CFAP70: variants seen among roughly 807,000 people sequenced by gnomAD.
CFAP70 encodes the protein cilia and flagella associated protein 70, also known as cilia- and flagella-associated protein 70.
Under a neutral mutation model 137.6 loss-of-function variants are expected in CFAP70, and 81 were observed. That is an observed-to-expected ratio of 0.59 (90% CI 0.49 to 0.71). The LOEUF is 0.71. Among genes scored for constraint, CFAP70 ranks in the 30% least tolerant of loss-of-function variants. The pLI is 0.00. For missense variants in CFAP70, 976 were observed against 1,226.7 expected, an observed-to-expected ratio of 0.80 and a Z score of 3.05; for synonymous variants, 382 against 423.6, an observed-to-expected ratio of 0.90 and a Z score of 1.20.
At chr10:73,292,341 T>C (rs1367852263) in intron 16 of CFAP70, among the ~76,000 whole-genome samples, 1 of 152,248 alleles carries the variant, frequency 6.6e-6, no homozygotes, top group African/African-American at 2.4e-5. Context: ...TAATAATTTC[T>C]GCAGTAATCT....
intron 19 of CFAP70, among the ~76,000 whole-genome samples, chr10:73,280,001 A>G (rs2047144835): frequency 6.6e-6 from 1 of 152,140 alleles, no homozygotes; most frequent in South Asian, 2.1e-4. Context: ...GGAATGTTTG[A>G]GAGTTCCAGC....
intron 13 of CFAP70, 143 bp from the exon 15 acceptor site, chr10:73,299,244 C>T (rs1425989317): frequency 8.7e-6 from 6 of 687,334 alleles, no homozygotes; most frequent in Non-Finnish European, 1.4e-5. Flanking sequence ...CAAGGTCTCT[C>T]TCGCCCAGGC....
At chr10:73,289,579 C>T (rs921447558) in intron 19 of CFAP70, among the ~76,000 whole-genome samples, 3 of 151,816 alleles carry the variant, frequency 2.0e-5, no homozygotes, top group Non-Finnish European at 2.9e-5. Flanking sequence ...CCACCGTGCC[C>T]GGCAAATCAA....
At chr10:73,311,853 C>G (rs1297434783) in exon 11 of CFAP70, 1 of 1,613,774 alleles carries the variant, frequency 6.2e-7, no homozygotes, top group Non-Finnish European at 8.5e-7. Context: ...AGGATTGTGA[C>G]TTAGAGGGGG....
chr10:73,258,807 G>T (rs1246249681), intron 25 of CFAP70, among the ~76,000 whole-genome samples: 3 of 152,104 alleles, frequency 2.0e-5, no homozygotes, highest in Non-Finnish European at 4.4e-5. Context: ...AAAAAGCCCC[G>T]GTTTCCTGTA....
At chr10:73,286,867 T>C (rs2047756649) in intron 19 of CFAP70, among the ~76,000 whole-genome samples, 1 of 139,852 alleles carries the variant, frequency 7.2e-6, no homozygotes, top group African/African-American at 3.3e-5. Flanking sequence ...AACAAGGGGA[T>C]GGGCCGAAAC....
At chr10:73,319,295 A>C (rs2050661185) in intron 9 of CFAP70, among the ~76,000 whole-genome samples, 1 of 152,044 alleles carries the variant, frequency 6.6e-6, no homozygotes, top group Admixed American at 6.6e-5. Context: ...GGAAGTGAAG[A>C]CTCAACTATA....
chr10:73,272,836 A>G (rs1158093342), intron 24 of CFAP70, 92 bp downstream of exon 25: 8 of 1,120,830 alleles, frequency 7.1e-6, no homozygotes, highest in Non-Finnish European at 1.1e-5. Context: ...TTGCTATTCC[A>G]ATGTCATCAC....
At chr10:73,254,156 A>AGT in intron 26 of CFAP70, 101 bp from the exon 28 acceptor site, 1 of 913,980 alleles carries the variant, frequency 1.1e-6, no homozygotes. Context: ...TAAAGAACAT[A>AGT]GTTCCCTGGG....
At chr10:73,345,298 T>C in intron 4 of CFAP70, 54 bp from the exon 6 acceptor site, 2 of 1,477,298 alleles carry the variant, frequency 1.4e-6, no homozygotes, top group Non-Finnish European at 1.9e-6. Flanking sequence ...GATCTTCCTT[T>C]TTTGCATTAT....
chr10:73,289,010 C>T (rs2047954951), intron 19 of CFAP70, among the ~76,000 whole-genome samples: 1 of 152,164 alleles, frequency 6.6e-6, no homozygotes, highest in Non-Finnish European at 1.5e-5. Context: ...TGTCACCTTA[C>T]ATTGGTTCAT....
chr10:73,355,295 A>G (rs1231519798), intron 1 of CFAP70, among the ~76,000 whole-genome samples: 1 of 152,232 alleles, frequency 6.6e-6, no homozygotes, highest in Non-Finnish European at 1.5e-5. Context: ...CAGTGGCAGC[A>G]TTATATTCTC....
At chr10:73,335,597 T>C in intron 6 of CFAP70, 73 bp from the exon 8 acceptor site, 1 of 1,011,116 alleles carries the variant, frequency 9.9e-7, no homozygotes, top group Admixed American at 2.3e-5. Flanking sequence ...TAGGGCATTC[T>C]TTTAATGGAT....
chr10:73,279,509 G>A (rs1057097128), intron 19 of CFAP70, among the ~76,000 whole-genome samples: 1 of 148,624 alleles, frequency 6.7e-6, no homozygotes, highest in Non-Finnish European at 1.5e-5. Context: ...GGGCGACAGA[G>A]CAAGACTCTG....
chr10:73,277,967 A>G (rs545384965), intron 20 of CFAP70, among the ~76,000 whole-genome samples: 18 of 152,320 alleles, frequency 1.2e-4, no homozygotes, highest in African/African-American at 4.3e-4. Context: ...AAAACGAAGA[A>G]CTGTTAGGAA....
chr10:73,296,219 A>G (rs987426341), intron 15 of CFAP70: 1 of 152,180 alleles, frequency 6.6e-6, no homozygotes, highest in Non-Finnish European at 1.5e-5. Flanking sequence ...GCTCCCAGCT[A>G]CTAGTGAGGA....
intron 3 of CFAP70, among the ~76,000 whole-genome samples, chr10:73,349,571 C>A (rs1310533472): frequency 6.6e-6 from 1 of 151,590 alleles, no homozygotes; most frequent in Non-Finnish European, 1.5e-5. Context: ...AAGAAAAAAG[C>A]AAAGAAAAGC....
chr10:73,290,655 T>C (rs182202915), intron 19 of CFAP70, among the ~76,000 whole-genome samples: 1 of 152,016 alleles, frequency 6.6e-6, no homozygotes. Context: ...ACAGAATGAC[T>C]GGAGGAAAAG....
chr10:73,281,301 G>T (rs964326351), intron 19 of CFAP70, among the ~76,000 whole-genome samples: 7 of 151,060 alleles, frequency 4.6e-5, no homozygotes, highest in African/African-American at 7.3e-5. Flanking sequence ...CCTCCCACGT[G>T]AGCCTCCCTA....
Sources: gnomAD v4.1 joint callset for allele counts (sites outside exome capture counted in the v4.1 genomes callset) on GRCh38, gnomAD v4.1.1 for gene constraint, MANE v1.5 for transcripts, NCBI Gene and HGNC (gene_info 2026-07-23, HGNC 2026-07-21) for gene names.